FRS2: variants seen among roughly 807,000 people sequenced by gnomAD.
The protein encoded by FRS2 is fibroblast growth factor receptor substrate 2.
FRS2 carries 8 observed loss-of-function variants against 43.9 expected under a neutral mutation model. The ratio of observed to expected loss-of-function variants is 0.18; its 90% CI spans 0.11 to 0.33. FRS2 has a LOEUF of 0.33. Among genes scored for constraint, FRS2 ranks in the 10% least tolerant of loss-of-function variants. FRS2 has a pLI of 1.00. For missense variants in FRS2, 534 were observed against 627.6 expected, an observed-to-expected ratio of 0.85 and a Z score of 1.59; for synonymous variants, 219 against 220.3, an observed-to-expected ratio of 0.99 and a Z score of 0.05.
At chr12:69,568,970 A>C (rs1281131463) in intron 4 of FRS2, 35 bp from the exon 5 acceptor site, 1 of 1,004,000 alleles carries the variant, frequency 1.0e-6, no homozygotes, top group Non-Finnish European at 1.5e-6. Flanking sequence ...TGTATCCTTC[A>C]TCTAATAAAT....
chr12:69,557,723 G>C (rs190429130), intron 3 of FRS2: 1 of 151,688 alleles, frequency 6.6e-6, no homozygotes, highest in Admixed American at 6.6e-5. Context: ...TGCTGGATTT[G>C]CACATATCTT....
intron 1 of FRS2, among the ~76,000 whole-genome samples, chr12:69,529,935 C>A (rs1289253741): frequency 6.6e-6 from 1 of 151,380 alleles, no homozygotes; most frequent in Non-Finnish European, 1.5e-5. Flanking sequence ...TAGAGCACGC[C>A]TGTAGTCCCA....
intron 1 of FRS2, among the ~76,000 whole-genome samples, 177 bp downstream of exon 1, chr12:69,470,707 G>T (rs1299841128): frequency 6.6e-6 from 1 of 151,978 alleles, no homozygotes; most frequent in Non-Finnish European, 1.5e-5. Context: ...AGAGCTGGCT[G>T]TGGGTCCATG....
chr12:69,558,771 G>A (rs76871807), intron 3 of FRS2, among the ~76,000 whole-genome samples: 2,608 of 152,274 alleles, frequency 0.017, 81 homozygotes, highest in African/African-American at 0.059. Flanking sequence ...TCTCCCACTA[G>A]ACAGTAAGCT....
At chr12:69,572,784 T>C (rs1880872185) in intron 8 of FRS2, among the ~76,000 whole-genome samples, 1 of 152,210 alleles carries the variant, frequency 6.6e-6, no homozygotes, top group South Asian at 2.1e-4. Flanking sequence ...AAAAAGTTTT[T>C]AGTGTTTTTA....
intron 6 of FRS2, 109 bp downstream of exon 6, chr12:69,570,626 A>G: frequency 1.5e-6 from 1 of 669,796 alleles, no homozygotes; most frequent in South Asian, 2.0e-5. Flanking sequence ...ATCCCAAAAT[A>G]AACAGATTGT....
intron 6 of FRS2, 132 bp from the exon 7 acceptor site, chr12:69,571,144 A>C (rs1880716773): frequency 1.8e-6 from 1 of 570,070 alleles, no homozygotes; most frequent in African/African-American, 1.9e-5. Context: ...AATTTATCAG[A>C]TATTTATTTA....
chr12:69,565,859 T>C (rs1284100671), intron 4 of FRS2, among the ~76,000 whole-genome samples: 7 of 152,176 alleles, frequency 4.6e-5, no homozygotes, highest in South Asian at 2.1e-4. Context: ...TACTCTGATA[T>C]AATAGTAAGA....
intron 1 of FRS2, among the ~76,000 whole-genome samples, chr12:69,520,026 A>AC (rs2135604451): frequency 6.6e-6 from 1 of 152,330 alleles, no homozygotes; most frequent in African/African-American, 2.4e-5. Context: ...ACTCTCACCA[A>AC]CTGTATATAA....
chr12:69,545,767 A>AC (rs1323650684), intron 3 of FRS2, among the ~76,000 whole-genome samples: 3 of 150,444 alleles, frequency 2.0e-5, no homozygotes, highest in African/African-American at 4.9e-5. Flanking sequence ...AAAAAAAAAA[A>AC]AAAAAAAAAA....
intron 5 of FRS2, among the ~76,000 whole-genome samples, 170 bp from the exon 6 acceptor site, chr12:69,570,161 T>C (rs1880628686): frequency 6.6e-6 from 1 of 152,264 alleles, no homozygotes; most frequent in South Asian, 2.1e-4. Flanking sequence ...CCAGTGGGAA[T>C]GTAAATTTCT....
chr12:69,573,223 A>G (rs1288876692), intron 8 of FRS2, among the ~76,000 whole-genome samples: 1 of 152,198 alleles, frequency 6.6e-6, no homozygotes, highest in African/African-American at 2.4e-5. Flanking sequence ...TATTTTATAT[A>G]TATGCATTTT....
At chr12:69,523,089 C>G (rs765627026) in intron 1 of FRS2, among the ~76,000 whole-genome samples, 1 of 152,140 alleles carries the variant, frequency 6.6e-6, no homozygotes, top group Non-Finnish European at 1.5e-5. Flanking sequence ...AGATTTATAT[C>G]GGGTTCATTT....
intron 1 of FRS2, among the ~76,000 whole-genome samples, chr12:69,528,374 A>G (rs1160324314): frequency 6.6e-6 from 1 of 152,228 alleles, no homozygotes; most frequent in East Asian, 1.9e-4. Context: ...AAACTTCCTG[A>G]GATTACCTGG....
chr12:69,523,139 T>C (rs1875859320), intron 1 of FRS2, among the ~76,000 whole-genome samples: 1 of 152,234 alleles, frequency 6.6e-6, no homozygotes, highest in Non-Finnish European at 1.5e-5. Flanking sequence ...TCTTTGTTAA[T>C]ATTCCTCCTC....
At chr12:69,562,983 A>C (rs1231102036) in intron 4 of FRS2, among the ~76,000 whole-genome samples, 1 of 152,122 alleles carries the variant, frequency 6.6e-6, no homozygotes, top group Non-Finnish European at 1.5e-5. Flanking sequence ...GTGAGCCACC[A>C]CACCCGGCCT....
At chr12:69,498,946 A>G (rs1409101651) in intron 1 of FRS2, among the ~76,000 whole-genome samples, 2 of 152,152 alleles carry the variant, frequency 1.3e-5, no homozygotes, top group African/African-American at 4.8e-5. Flanking sequence ...CAACTTTATG[A>G]GGTATTATTG....
rs755320559 is a variant in FRS2 at position 69,574,434 on chromosome 12, A to G, written c.1006A>G (p.Ile336Val). Reference protein sequence around the residue: ...TSTSTSDTQNINNSAQRRTAL... With the variant: ...TSTSTSDTQNVNNSAQRRTAL... ...CACCAGTACCTCAGATACCCAGAAT[A>G]TCAACAACTCAGCTCAGAGAAGAAC... The change falls in exon 9 of 9, where the codon ATC becomes GTC. Residue 336 changes from isoleucine (I) to valine (V), a missense_variant. Coordinates refer to ENST00000549921, the MANE Select transcript of FRS2 (RefSeq NM_001278356.2). The G allele has an allele frequency of 3.8e-5, 62 of 1,613,994 alleles. No individual in the cohort carries two copies. The highest frequency in any genetic ancestry group is 1.8e-4 in the Admixed American group (11 of 60,004).
chr12:69,554,524 A>G (rs1879176767), intron 3 of FRS2, among the ~76,000 whole-genome samples: 1 of 152,168 alleles, frequency 6.6e-6, no homozygotes, highest in South Asian at 2.1e-4. Flanking sequence ...ATTCCCATAT[A>G]CCCTTCACCT....
Sources: gnomAD v4.1 joint callset for allele counts (sites outside exome capture counted in the v4.1 genomes callset) on GRCh38, gnomAD v4.1.1 for gene constraint, MANE v1.5 for transcripts, NCBI Gene and HGNC (gene_info 2026-07-23, HGNC 2026-07-21) for gene names.